The following MYO9B variants were observed in gnomAD, a reference collection of about 807,000 sequenced individuals.
MYO9B encodes myosin IXB.
In MYO9B, 71 loss-of-function variants were observed where a neutral mutation model predicts 229.5. The ratio of observed to expected loss-of-function variants is 0.31; its 90% CI spans 0.26 to 0.38. MYO9B has a LOEUF of 0.38. Among genes scored for constraint, MYO9B ranks in the 10% least tolerant of loss-of-function variants. The pLI is 1.00. For missense variants in MYO9B, 2,255 were observed against 2,920.5 expected (o/e 0.77, Z 5.25); for synonymous variants, 1,185 against 1,235.8 (o/e 0.96, Z 0.86).
chr19:17,109,030 AAT>A (rs1491465855), intron 2 of MYO9B, among the ~76,000 whole-genome samples: 173 of 135,562 alleles, frequency 1.3e-3, no homozygotes, highest in African/African-American at 4.4e-3. Flanking sequence ...TCTTTTTTTT[AAT>A]TTTATTTATT....
intron 2 of MYO9B, among the ~76,000 whole-genome samples, chr19:17,126,908 C>T: frequency 1.3e-5 from 1 of 75,112 alleles, no homozygotes; most frequent in South Asian, 4.7e-4. Context: ...GTGATCCACC[C>T]CCACCCCCAC....
At position 17,107,937 on chromosome 19, in the gene MYO9B, C is replaced by T. The variant is rs2057807911; in HGVS notation, c.840+5380C>T. ...GGGGCTCAAGTCAGCCCACAGCATC[C>T]CCCATACAGCCCCACCTGGTCTGCT... On this transcript the variant is annotated intron_variant, in intron 2 of 39. Coordinates refer to ENST00000682292, the MANE Select transcript of MYO9B (RefSeq NM_004145.4). Among the ~76,000 whole-genome samples the T allele has an allele frequency of 1.3e-5, 2 of 152,190 alleles. 1 individual carries two copies. Among genetic ancestry groups the T allele is most frequent in the South Asian group, 4.1e-4 (2 of 4,836 alleles).
chr19:17,112,847 T>C (rs553397958), intron 2 of MYO9B, among the ~76,000 whole-genome samples: 1 of 152,332 alleles, frequency 6.6e-6, no homozygotes, highest in South Asian at 2.1e-4. Context: ...CACCCAGCCC[T>C]TGGCTGTTGG....
intron 25 of MYO9B, 95 bp from the exon 26 acceptor site, chr19:17,200,544 G>A (rs2073095547): frequency 2.6e-6 from 4 of 1,509,628 alleles, no homozygotes; most frequent in Non-Finnish European, 2.7e-6. Context: ...CACAGAGCCA[G>A]GGGTTTCTGG....
rs2072732626 is a variant in MYO9B at position 17,172,238 on chromosome 19, C to T, written c.1794-98C>T. 8.1e-6 allele frequency: 12 copies of T among 1,479,702 alleles called. No homozygotes were observed. Among genetic ancestry groups the T allele is most frequent in the Non-Finnish European group, 1.0e-5 (11 of 1,096,860 alleles). 91.7% of individuals were successfully genotyped at this position (1,479,702 alleles called of 1,614,324 possible). A position where few individuals can be genotyped will look rare whatever the true frequency, so the allele number is the denominator to read the frequency against. Reference sequence around the variant, plus strand: ...TTCACTGCTCTGCCCACCCCATGCACCCACCCACCTCGTGCACCAGGGGTC... The same window carrying T: ...TTCACTGCTCTGCCCACCCCATGCATCCACCCACCTCGTGCACCAGGGGTC... On this transcript the variant is annotated intron_variant, in intron 11 of 39. Coordinates refer to ENST00000682292, the MANE Select transcript of MYO9B (RefSeq NM_004145.4). This position sits in a 1 kb window ranked among gnomAD's most constrained non-coding sequence, Gnocchi z 8.2.
At chr19:17,185,559 AC>A (rs369163376) in intron 17 of MYO9B, among the ~76,000 whole-genome samples, 6 of 149,884 alleles carry the variant, frequency 4.0e-5, no homozygotes, top group African/African-American at 1.0e-4. Flanking sequence ...AAAAAAAAAA[AC>A]AAAACAAAAC....
chr19:17,211,826 C>T, intron 39 of MYO9B, 52 bp downstream of exon 39: 1 of 1,610,534 alleles, frequency 6.2e-7, no homozygotes, highest in African/African-American at 1.3e-5. Flanking sequence ...TCCCAGCAGG[C>T]CCCAGGGCGA....
intron 2 of MYO9B, among the ~76,000 whole-genome samples, chr19:17,115,750 G>A (rs1227663150): frequency 6.6e-6 from 1 of 151,920 alleles, no homozygotes; most frequent in African/African-American, 2.4e-5. Context: ...GATTACAGGT[G>A]TGAGCCACTG....
At chr19:17,206,906 CTGT>C in intron 34 of MYO9B, 122 bp downstream of exon 34, 2 of 1,218,822 alleles carry the variant, frequency 1.6e-6, no homozygotes, top group Non-Finnish European at 2.4e-6. Flanking sequence ...ATGCAGACCA[CTGT>C]TGGGGGTTCT....
At chr19:17,152,846 C>G (rs1033966467) in intron 4 of MYO9B, 140 bp downstream of exon 4, 28 of 693,692 alleles carry the variant, frequency 4.0e-5, no homozygotes, top group Non-Finnish European at 6.7e-5. Context: ...GGAGCAGGGC[C>G]TGCCCATCCA....
At chr19:17,078,133 C>G (rs2057502888) in intron 1 of MYO9B, among the ~76,000 whole-genome samples, 1 of 152,168 alleles carries the variant, frequency 6.6e-6, no homozygotes, top group South Asian at 2.1e-4. Context: ...TTCAGTTAGG[C>G]AAGGGTTGAT....
At position 17,202,023 on chromosome 19, in the gene MYO9B, C is replaced by G; in HGVS notation, c.4661C>G (p.Pro1554Arg). 2 of 1,612,232 alleles carry G rather than the reference C, an allele frequency of 1.2e-6. No individual in the cohort carries two copies. Among genetic ancestry groups the G allele is most frequent in the East Asian group, 2.2e-5 (1 of 44,838 alleles). ...RSNIKTMYSV[P>R]NGKIHVGYKD... ...AACATCAAAACGATGTACTCTGTCCCGGTATGTGGCGGCCCGGCCTTCAGC... is the reference window on the plus strand; with the variant it reads ...AACATCAAAACGATGTACTCTGTCCGGGTATGTGGCGGCCCGGCCTTCAGC... The change falls in exon 27 of 40, where the codon CCG becomes CGG. Residue 1554 changes from proline (P) to arginine (R), a missense_variant and splice_region_variant. Around this residue, in one of 7 missense-constraint regions of MYO9B, gnomAD observed 416 missense variants for 605.5 expected, o/e 0.69. Transcript: ENST00000682292.
At chr19:17,123,459 T>TGTGTGTGTGTGTGTGA (rs918388744) in intron 2 of MYO9B, among the ~76,000 whole-genome samples, 2 of 149,440 alleles carry the variant, frequency 1.3e-5, no homozygotes, top group African/African-American at 2.5e-5. Flanking sequence ...TGTGTGTGTG[T>TGTGTGTGTGTGTGTGA]GATGGAGTTT....
At chr19:17,097,602 A>G (rs768514751) in intron 1 of MYO9B, among the ~76,000 whole-genome samples, 2 of 152,150 alleles carry the variant, frequency 1.3e-5, no homozygotes, top group Non-Finnish European at 2.9e-5. Flanking sequence ...TTAAGAGTTA[A>G]ATCTTGTGTG....
chr19:17,200,736 G>C lies in MYO9B; in HGVS notation c.4470G>C (p.Lys1490Asn). 6.2e-7 allele frequency: 1 copy of C among 1,614,096 alleles called. No individual in the cohort carries two copies. Among genetic ancestry groups the C allele is most frequent in the Non-Finnish European group, 8.5e-7 (1 of 1,179,910 alleles). The change falls in exon 26 of 40, where the codon AAG (lysine) becomes AAC (asparagine). Residue 1490 changes from lysine to asparagine, a missense_variant. Lys to Asn is a moderately conservative substitution (Grantham distance 94). This residue lies in a region of MYO9B where 416 missense variants were observed against 605.5 expected (regional missense o/e 0.69). Transcript: ENST00000682292. ...GKKNRNVKIGKITVSEKWRES... is the reference protein window; with the variant it reads ...GKKNRNVKIGNITVSEKWRES... Reference sequence around the variant, plus strand: ...AGAACCGAAATGTCAAGATTGGGAAGATCACAGTGTCAGAGAAGTGGCGGG... The same window carrying C: ...AGAACCGAAATGTCAAGATTGGGAACATCACAGTGTCAGAGAAGTGGCGGG...
At chr19:17,133,304 T>A (rs2072226116) in intron 2 of MYO9B, among the ~76,000 whole-genome samples, 1 of 152,184 alleles carries the variant, frequency 6.6e-6, no homozygotes, top group Admixed American at 6.6e-5. Flanking sequence ...TAAAATCTTC[T>A]CTCTTAGGAA....
chr19:17,091,069 C>A (rs2123476392), intron 1 of MYO9B, among the ~76,000 whole-genome samples: 1 of 152,304 alleles, frequency 6.6e-6, no homozygotes, highest in South Asian at 2.1e-4. Flanking sequence ...CAGCGTGGCA[C>A]CTCACAAGCC....
rs1245784934 is a variant in MYO9B at position 17,200,347 on chromosome 19, G to T, written c.4293G>T (p.Leu1431=). 6.2e-7 allele frequency: 1 copy of T among 1,612,272 alleles called. No homozygotes were observed. Among genetic ancestry groups the T allele is most frequent in the East Asian group, 2.2e-5 (1 of 44,858 alleles). ...AAACCAAGGATAAAAAATACAGCCT[G>T]GAGGGCGCAGAGGAGCTGGAGAATG... ...LHKTKDKKYS[L]EGAEELENAV... is the part of the protein sequence containing the mutation. The change falls in exon 25 of 40, where the codon CTG becomes CTT. Residue 1431 remains leucine (L), a synonymous_variant. Transcript: ENST00000682292.
Position 17,162,401 on chromosome 19 carries a change from G to A in MYO9B, c.1471G>A (p.Asp491Asn), listed in dbSNP as rs777376801. 4.7e-5 allele frequency: 75 copies of A among 1,589,184 alleles called. No individual in the cohort carries two copies. Among genetic ancestry groups the A allele is most frequent in the Admixed American group, 1.6e-4 (9 of 56,416 alleles). ...MAKSLYSALFDWIVLRINHAL... is the reference protein window; with the variant it reads ...MAKSLYSALFNWIVLRINHAL... ...CAAGTCTCTGTACAGCGCCCTGTTC[G>A]ACTGGATTGTGCTGCGGATCAACCA... Residue 491 changes from aspartate to asparagine, a missense_variant, in exon 9 of 40, where the codon GAC (aspartate) becomes AAC (asparagine). Physicochemically the swap from Asp to Asn is conservative, Grantham distance 23. Transcript: ENST00000682292.
Sources: gnomAD v4.1 joint callset for allele counts (sites outside exome capture counted in the v4.1 genomes callset) on GRCh38, gnomAD v4.1.1 for gene constraint, gnomAD v4.1.1 regional missense constraint, Gnocchi (gnomAD v3.1) non-coding constraint, MANE v1.5 for transcripts, NCBI Gene and HGNC (gene_info 2026-07-23, HGNC 2026-07-21) for gene names.